Variants in SGCZ observed in about 807,000 individuals in gnomAD.
SGCZ encodes the protein zeta-sarcoglycan.
Under a neutral mutation model 41.3 loss-of-function variants are expected in SGCZ, and 40 were observed. That is an observed-to-expected ratio of 0.97 (90% CI 0.75 to 1.26). The LOEUF (loss-of-function observed/expected upper bound fraction) is 1.26. SGCZ is among the 50% of genes most tolerant of loss of function. SGCZ has a pLI of 0.00. For synonymous variants in SGCZ, 206 were observed against 137.5 expected (o/e 1.50, Z -3.49); for missense variants, 552 against 369.8 (o/e 1.49, Z -4.04).
intron 5 of SGCZ, among the ~76,000 whole-genome samples, chr8:14,113,512 G>C (rs1802436026): frequency 6.6e-6 from 1 of 152,008 alleles, no homozygotes; most frequent in Non-Finnish European, 1.5e-5. Flanking sequence ...ATATTGATAA[G>C]GATCCAGATT....
At chr8:14,557,398 T>G (rs778177118) in intron 1 of SGCZ, among the ~76,000 whole-genome samples, 10 of 151,992 alleles carry the variant, frequency 6.6e-5, no homozygotes, top group Non-Finnish European at 1.3e-4. Flanking sequence ...CCTTTCTGAG[T>G]GTTCCTTTTG....
intron 1 of SGCZ, among the ~76,000 whole-genome samples, chr8:14,619,435 G>T (rs1237034379): frequency 1.3e-5 from 2 of 149,478 alleles, no homozygotes; most frequent in African/African-American, 4.9e-5. Flanking sequence ...GGAAGTTCTG[G>T]CCAGGGCAAT....
At chr8:14,548,832 A>G (rs1431947890) in intron 2 of SGCZ, among the ~76,000 whole-genome samples, 2 of 152,174 alleles carry the variant, frequency 1.3e-5, no homozygotes, top group African/African-American at 2.4e-5. Context: ...AATTTTCTCA[A>G]GAAATTGTTC....
intron 1 of SGCZ, among the ~76,000 whole-genome samples, chr8:14,733,354 T>G (rs73529286): frequency 0.068 from 10,365 of 152,214 alleles, 804 homozygotes; most frequent in African/African-American, 0.19. Flanking sequence ...TCTCATTCCC[T>G]CTGCCTCCTA....
chr8:14,100,819 A>ATATC (rs1801997152), intron 7 of SGCZ, among the ~76,000 whole-genome samples: 3 of 151,890 alleles, frequency 2.0e-5, no homozygotes, highest in South Asian at 2.1e-4. Flanking sequence ...CCTCATCATT[A>ATATC]TATCTGAAGA....
intron 2 of SGCZ, among the ~76,000 whole-genome samples, chr8:14,538,748 T>G (rs1359476632): frequency 6.6e-6 from 1 of 151,822 alleles, no homozygotes; most frequent in African/African-American, 2.4e-5. Flanking sequence ...TAGGCATGAA[T>G]TAGGTTGTAA....
chr8:14,933,058 G>C lies in SGCZ; in HGVS notation c.39+304527C>G, dbSNP rs186612263. On this transcript the variant is annotated intron_variant, in intron 1 of 7. Transcript: ENST00000382080. ...ACAATGGGGACTATGACAGCAGGGA[G>C]GGCAGGAGGGGGATGAGGGCTGAAA... Among the ~76,000 whole-genome samples the C allele has an allele frequency of 3.5e-3, 531 of 152,054 alleles. 8 individuals are homozygous for C. The highest frequency in any genetic ancestry group is 0.012 in the African/African-American group (499 of 41,380).
chr8:14,151,304 T>C (rs1469653967), intron 5 of SGCZ, among the ~76,000 whole-genome samples: 1 of 152,048 alleles, frequency 6.6e-6, no homozygotes, highest in African/African-American at 2.4e-5. Context: ...ATGCATACTA[T>C]ATGCCAAAGA....
chr8:14,811,376 A>G (rs62493296), intron 1 of SGCZ, among the ~76,000 whole-genome samples: 1,862 of 152,082 alleles, frequency 0.012, 20 homozygotes, highest in Non-Finnish European at 0.016. Context: ...TAATAAAGTT[A>G]AAAAGCATTG....
chr8:14,791,378 C>A (rs762672273), intron 1 of SGCZ, among the ~76,000 whole-genome samples: 3 of 151,954 alleles, frequency 2.0e-5, no homozygotes, highest in Non-Finnish European at 4.4e-5. Context: ...TGGGAGTGCG[C>A]CTCTAGGAGT....
rs558666784 is a variant in SGCZ, at chr8:14,443,609, T to G, written c.234+111123A>C. 1.6e-4 allele frequency among the ~76,000 whole-genome samples: 24 copies of G among 152,322 alleles called. No individual in the cohort carries two copies. The South Asian group carries it at 3.5e-3, about 22-fold the overall frequency. ...GTGCTGGGAAAACTGGCTAGCCATATGTAGAAAGCTGAAACTGGATCCCTT... is the reference window on the plus strand; with the variant it reads ...GTGCTGGGAAAACTGGCTAGCCATAGGTAGAAAGCTGAAACTGGATCCCTT... On this transcript the variant is annotated intron_variant, in intron 2 of 7. Transcript: ENST00000382080.
chr8:14,803,273 G>C (rs1427602944), intron 1 of SGCZ, among the ~76,000 whole-genome samples: 2 of 152,268 alleles, frequency 1.3e-5, no homozygotes, highest in East Asian at 3.9e-4. Context: ...CCCAGCGTGA[G>C]CGACGCAGAA....
intron 1 of SGCZ, among the ~76,000 whole-genome samples, chr8:15,192,845 A>G (rs1800585815): frequency 6.6e-6 from 1 of 152,098 alleles, no homozygotes; most frequent in South Asian, 2.1e-4. Context: ...AAACAAAAGC[A>G]GCCTAACCAG....
intron 1 of SGCZ, among the ~76,000 whole-genome samples, chr8:15,006,881 C>A (rs6530827): frequency 2.6e-5 from 4 of 152,232 alleles, no homozygotes; most frequent in East Asian, 3.9e-4. Flanking sequence ...TTTTTGTAAC[C>A]CAGAGAAAGC....
chr8:14,388,703 A>G (rs989541802), intron 2 of SGCZ, among the ~76,000 whole-genome samples: 1 of 152,088 alleles, frequency 6.6e-6, no homozygotes, highest in East Asian at 1.9e-4. Flanking sequence ...AAATCCTTGA[A>G]GATGAACAAG....
intron 2 of SGCZ, among the ~76,000 whole-genome samples, chr8:14,470,498 A>T (rs112964481): frequency 0.021 from 3,140 of 152,304 alleles, 118 homozygotes; most frequent in African/African-American, 0.07. Context: ...TTAAAAAAAT[A>T]GCACAGCAAG....
intron 1 of SGCZ, among the ~76,000 whole-genome samples, chr8:15,055,953 A>G (rs1011848856): frequency 3.3e-5 from 5 of 152,192 alleles, no homozygotes; most frequent in South Asian, 4.1e-4. Flanking sequence ...ACTAAACTTA[A>G]TAGCAAACTT....
chr8:14,512,738 G>A lies in SGCZ; in HGVS notation c.234+41994C>T, dbSNP rs566017295. On this transcript the variant is annotated intron_variant, in intron 2 of 7. Transcript: ENST00000382080. ...CTTCAGCCTTCCAATGGGCTGGGAC[G>A]ATAAGTGTGCATCACCACACCCGGC... is the stretch of plus-strand genomic sequence containing the variant. Among the ~76,000 whole-genome samples the A allele has an allele frequency of 1.8e-4, 28 of 151,840 alleles. No individual in the cohort carries two copies. In the South Asian group the frequency reaches 5.0e-3, roughly 27 times the overall value.
At chr8:15,045,464 A>C (rs986884591) in intron 1 of SGCZ, among the ~76,000 whole-genome samples, 1 of 152,086 alleles carries the variant, frequency 6.6e-6, no homozygotes. Flanking sequence ...GTTTGTATAC[A>C]TGTTTCAATC....
Sources: allele counts gnomAD v4.1 joint callset (sites outside exome capture counted in the v4.1 genomes callset), GRCh38; gene constraint gnomAD v4.1.1; transcripts MANE v1.5; gene names NCBI Gene and HGNC (gene_info 2026-07-23, HGNC 2026-07-21).